SNX5: variants seen among roughly 807,000 people sequenced by gnomAD.
The protein encoded by SNX5 is sorting nexin 5, also known as sorting nexin-5.
Under a neutral mutation model 53.9 loss-of-function variants are expected in SNX5, and 31 were observed. The ratio of observed to expected loss-of-function variants is 0.58; its 90% CI spans 0.43 to 0.78. The LOEUF is 0.78. Ranked by LOEUF, SNX5 falls within the 30% of genes least tolerant of loss-of-function variation. The pLI is 0.00. For synonymous variants in SNX5, 168 were observed against 171.1 expected (o/e 0.98, Z 0.14); for missense variants, 471 against 478.8 (o/e 0.98, Z 0.15).
intron 8 of SNX5, among the ~76,000 whole-genome samples, chr20:17,949,620 GAAGGT>G (rs1397753028): frequency 3.9e-5 from 6 of 152,184 alleles, no homozygotes; most frequent in African/African-American, 1.4e-4. Context: ...ATTAATGAAT[GAAGGT>G]AATTTCAGAA....
rs748179170 is a variant in SNX5 at position 17,947,508 on chromosome 20, T to A, written c.1056A>T (p.Gln352His). The A allele has an allele frequency of 6.2e-7, 1 of 1,613,386 alleles. No homozygotes were observed. The highest frequency in any genetic ancestry group is 1.1e-5 in the South Asian group (1 of 90,946). ...HQQECCQKFE[Q>H]LSESAKEELI... is the part of the protein sequence containing the mutation. ...AACCTTCTTTTGCAGATTCGGAAAGTTGTTCAAATTTCTGGCAGCACTCCT... is the reference window on the plus strand; with the variant it reads ...AACCTTCTTTTGCAGATTCGGAAAGATGTTCAAATTTCTGGCAGCACTCCT... Residue 352 changes from glutamine (Q) to histidine (H), a missense_variant, in exon 11 of 13, where the codon CAA (glutamine) becomes CAT (histidine). Coordinates refer to ENST00000377759, the MANE Select transcript of SNX5 (RefSeq NM_014426.4).
intron 11 of SNX5, 91 bp from the exon 12 acceptor site, chr20:17,943,286 C>A: frequency 2.4e-6 from 2 of 835,244 alleles, no homozygotes; most frequent in South Asian, 1.4e-5. Context: ...TACAAATGGT[C>A]TCCAATGCTT....
In SNX5 at chr20:17,947,397, A is replaced by C. The variant is rs183915280; in HGVS notation, c.1078+89T>G. 47 of 1,399,880 alleles carry C rather than the reference A, an allele frequency of 3.4e-5. No homozygotes were observed. The African/African-American group carries it at 6.4e-4, about 19-fold the overall frequency. 86.7% of individuals were successfully genotyped at this position (1,399,880 alleles called of 1,614,324 possible). On this transcript the variant is annotated intron_variant, in intron 11 of 12. Transcript: ENST00000377759. The stretch of plus-strand genomic sequence containing the variant: ...AGTGCTGACACTGGGTGAAGGATAC[A>C]TGGGTGTTTTTTGCACTATTTGTAG...
chr20:17,949,214 C>G lies in SNX5; in HGVS notation c.792-111G>C, dbSNP rs2039529939. ...AACTCAGGAGTCCTAGCCTTTGGTA[C>G]TTTAGCATTAATTTAAAAGTAGTGC... On this transcript the variant is annotated intron_variant, in intron 8 of 12. Coordinates refer to ENST00000377759, the MANE Select transcript of SNX5 (RefSeq NM_014426.4). The G allele has an allele frequency of 2.1e-5, 18 of 850,644 alleles. No individual in the cohort carries two copies. The South Asian group carries it at 2.8e-4, about 13-fold the overall frequency. The allele number at this position is 850,644 out of a possible 1,614,324, so 52.7% of individuals were successfully genotyped here. A position where few individuals can be genotyped will look rare whatever the true frequency, so the allele number is the denominator to read the frequency against.
chr20:17,953,046 A>G (rs2039592061), intron 4 of SNX5, among the ~76,000 whole-genome samples: 1 of 152,360 alleles, frequency 6.6e-6, no homozygotes, highest in South Asian at 2.1e-4. Flanking sequence ...CAGCCTAAGT[A>G]TACAGCATGA....
At position 17,956,997 on chromosome 20, in the gene SNX5, A is replaced by G. The variant is rs1471065829; in HGVS notation, c.92T>C (p.Leu31Pro). The G allele has an allele frequency of 1.2e-6, 2 of 1,610,426 alleles. No homozygotes were observed. The highest frequency in any genetic ancestry group is 2.2e-5 in the South Asian group (2 of 90,992). The change falls in exon 2 of 13, where the codon CTT (leucine) becomes CCT (proline). Residue 31 changes from leucine (L) to proline (P), a missense_variant. Leu to Pro is a moderately conservative substitution (Grantham distance 98). Transcript: ENST00000377759. Reference protein sequence around the residue: ...VSVDLNVDPSLQIDIPDALSE... With the variant: ...VSVDLNVDPSPQIDIPDALSE... ...GAGCGCATCAGGTATGTCAATCTGA[A>G]GCGAGGGATCAACATTCAGGTCCAC...
chr20:17,967,271 A>G (rs2122441395), intron 1 of SNX5, among the ~76,000 whole-genome samples: 1 of 151,932 alleles, frequency 6.6e-6, no homozygotes, highest in Non-Finnish European at 1.5e-5. Flanking sequence ...TTATGGAGAA[A>G]AGTACCTTTA....
At chr20:17,966,023 G>T (rs2035531213) in intron 1 of SNX5, among the ~76,000 whole-genome samples, 1 of 152,082 alleles carries the variant, frequency 6.6e-6, no homozygotes, top group African/African-American at 2.4e-5. Context: ...CGAAACCAGA[G>T]CAGCAGTACT....
At chr20:17,968,208 C>T (rs2035593672) in intron 1 of SNX5, 167 bp downstream of exon 1, 5 of 436,498 alleles carry the variant, frequency 1.1e-5, no homozygotes, top group Non-Finnish European at 1.9e-5. Flanking sequence ...CCCGGGGCAG[C>T]CTTCAGTGAA....
At chr20:17,947,375 G>T in intron 11 of SNX5, 111 bp downstream of exon 11, 1 of 1,173,000 alleles carries the variant, frequency 8.5e-7, no homozygotes, top group Non-Finnish European at 1.2e-6. Flanking sequence ...GGGGTGAAGT[G>T]CTGACACTGG....
At chr20:17,960,392 G>A (rs550234808) in intron 1 of SNX5, among the ~76,000 whole-genome samples, 10 of 152,238 alleles carry the variant, frequency 6.6e-5, no homozygotes, top group South Asian at 2.1e-4. Context: ...TCAGGAGATC[G>A]AGAACATCTT....
chr20:17,950,651 C>G (rs1214050395), intron 6 of SNX5, among the ~76,000 whole-genome samples: 1 of 152,204 alleles, frequency 6.6e-6, no homozygotes, highest in Admixed American at 6.5e-5. Flanking sequence ...CCCTAAGACA[C>G]AGCAATTTTA....
intron 1 of SNX5, among the ~76,000 whole-genome samples, chr20:17,962,391 G>A (rs1345947449): frequency 6.7e-6 from 1 of 150,212 alleles, no homozygotes; most frequent in Non-Finnish European, 1.5e-5. Flanking sequence ...TTTTAGTAGA[G>A]ACAGGGTTTC....
intron 8 of SNX5, among the ~76,000 whole-genome samples, chr20:17,949,698 T>C (rs1214162679): frequency 6.6e-6 from 1 of 152,172 alleles, no homozygotes; most frequent in Non-Finnish European, 1.5e-5. Flanking sequence ...ATGACCACTA[T>C]AACCAAATCT....
At chr20:17,962,149 G>T (rs2328233) in intron 1 of SNX5, 49,550 of 204,048 alleles carry the variant, frequency 0.24, 6,795 homozygotes, top group East Asian at 0.43. Flanking sequence ...TGGCACTGGT[G>T]TGTGAGAAAC....
intron 11 of SNX5, chr20:17,943,397 T>G: frequency 1.9e-6 from 1 of 539,290 alleles, no homozygotes; most frequent in South Asian, 2.1e-5. Context: ...TGTCTTTAAG[T>G]GGAAAACATC....
chr20:17,955,589 A>G, intron 2 of SNX5, 114 bp from the exon 3 acceptor site: 1 of 670,340 alleles, frequency 1.5e-6, no homozygotes, highest in East Asian at 2.7e-5. Context: ...ATGATCCAGT[A>G]AAGAACAAAG....
chr20:17,964,518 G>C (rs1385408520), intron 1 of SNX5, among the ~76,000 whole-genome samples: 1 of 152,048 alleles, frequency 6.6e-6, no homozygotes, highest in Non-Finnish European at 1.5e-5. Flanking sequence ...TCTCTTTTAG[G>C]AGATCTTGTC....
In SNX5 at chr20:17,949,078, A is replaced by C; in HGVS notation, c.817T>G (p.Phe273Val). The C allele has an allele frequency of 3.1e-6, 5 of 1,613,378 alleles. No homozygotes were observed. Among genetic ancestry groups the C allele is most frequent in the Non-Finnish European group, 4.2e-6 (5 of 1,179,746 alleles). The change falls in exon 9 of 13, where the codon TTT becomes GTT. Residue 273 changes from phenylalanine (F) to valine (V), a missense_variant. Phe to Val is a conservative substitution (Grantham distance 50). Transcript: ENST00000377759. ...GAAATCCTTACCCTTAGTTTTTCAA[A>C]TAGCTCAGCAACCTTCAATAGGTAC... Reference protein sequence around the residue: ...KKYLLKVAELFEKLRKVEGRV... With the variant: ...KKYLLKVAELVEKLRKVEGRV...
Sources: gnomAD v4.1 joint callset for allele counts (sites outside exome capture counted in the v4.1 genomes callset) on GRCh38, gnomAD v4.1.1 for gene constraint, MANE v1.5 for transcripts, NCBI Gene and HGNC (gene_info 2026-07-23, HGNC 2026-07-21) for gene names.